ORAI2: variants seen among roughly 807,000 people sequenced by gnomAD.
ORAI2 encodes ORAI calcium release-activated calcium modulator 2, also known as protein orai-2.
Under a neutral mutation model 16.2 loss-of-function variants are expected in ORAI2, and 10 were observed. That is an observed-to-expected ratio of 0.62 (90% CI 0.38 to 1.04). ORAI2 has a LOEUF of 1.04. Among genes scored for constraint, ORAI2 ranks in the 50% least tolerant of loss-of-function variants. The pLI is 0.01. For missense variants in ORAI2, 238 were observed against 355.5 expected, an observed-to-expected ratio of 0.67 and a Z score of 2.66; for synonymous variants, 150 against 157.5, an observed-to-expected ratio of 0.95 and a Z score of 0.35.
Position 102,456,329 on chromosome 7 carries a change from C to T in ORAI2, c.*9277C>T, listed in dbSNP as rs546513349. On this transcript the variant is annotated 3_prime_UTR_variant, in exon 4 of 4. Transcript: ENST00000495936. ...GGTATGATCATGAGCTCACTGCAGC[C>T]TTGACATGGTGGTAAAGCCATCCTC... 2.6e-5 allele frequency: 4 copies of T among 152,956 alleles called. No homozygotes were observed. Among genetic ancestry groups the T allele is most frequent in the Admixed American group, 1.3e-4 (2 of 15,290 alleles). The allele number at this position is 152,956 out of a possible 1,614,324, so 9.5% of individuals were successfully genotyped here.
Position 102,451,200 on chromosome 7 carries a change from C to CAA in ORAI2, c.*4163_*4164dup, listed in dbSNP as rs10672661. 70,434 of 124,070 alleles carry CAA rather than the reference C, an allele frequency of 0.57. 20,615 individuals are homozygous for CAA. Among genetic ancestry groups the CAA allele is most frequent in the Middle Eastern group, 0.73 (181 of 248 alleles). 7.7% of individuals were successfully genotyped at this position (124,070 alleles called of 1,614,324 possible). A position where few individuals can be genotyped will look rare whatever the true frequency, so the allele number is the denominator to read the frequency against. The stretch of plus-strand genomic sequence containing the variant: ...TGGGTAACAGAGCAAGACTCTGTCT[C>CAA]AAAAAAAAAAAAAAAAGAACAGGGG... On this transcript the variant is annotated 3_prime_UTR_variant, in exon 4 of 4. Coordinates refer to ENST00000495936, the MANE Select transcript of ORAI2 (RefSeq NM_001126340.3).
intron 3 of ORAI2, among the ~76,000 whole-genome samples, chr7:102,439,554 G>GT (rs1163554268): frequency 6.6e-6 from 1 of 152,080 alleles, no homozygotes; most frequent in East Asian, 1.9e-4. Context: ...GAGGCCAGGA[G>GT]TTTGAGACCA....
Position 102,447,060 on chromosome 7 carries a change from A to G in ORAI2, c.*8A>G. The G allele has an allele frequency of 6.6e-7, 1 of 1,524,004 alleles. No homozygotes were observed. Among genetic ancestry groups the G allele is most frequent in the South Asian group, 1.2e-5 (1 of 82,276 alleles). The allele number at this position is 1,524,004 out of a possible 1,614,324, so 94.4% of individuals were successfully genotyped here. A position where few individuals can be genotyped will look rare whatever the true frequency, so the allele number is the denominator to read the frequency against. ...AGCCTGCAGGTCTTGTGAGGGGCCG[A>G]GGGCCGGGGCTGGGAGCGGCCCTGT... is the stretch of plus-strand genomic sequence containing the variant. On this transcript the variant is annotated 3_prime_UTR_variant, in exon 4 of 4. Transcript: ENST00000495936.
chr7:102,437,873 A>G (rs1190204542), intron 2 of ORAI2, among the ~76,000 whole-genome samples: 1 of 151,992 alleles, frequency 6.6e-6, no homozygotes, highest in African/African-American at 2.4e-5. Flanking sequence ...CAATATAGTG[A>G]GATTCCCGTC....
chr7:102,436,333 G>C lies in ORAI2; in HGVS notation c.-14G>C. The C allele has an allele frequency of 1.0e-6, 1 of 985,494 alleles. No homozygotes were observed. The highest frequency in any genetic ancestry group is 1.2e-6 in the Non-Finnish European group (1 of 829,964). 61.0% of individuals were successfully genotyped at this position (985,494 alleles called of 1,614,324 possible). A position where few individuals can be genotyped will look rare whatever the true frequency, so the allele number is the denominator to read the frequency against. Reference sequence around the variant, plus strand: ...GAGTTGGCATTCGTATAAATGACCTGGTAATTGGCATCCCCTGGCAGAAAT... The same window carrying C: ...GAGTTGGCATTCGTATAAATGACCTCGTAATTGGCATCCCCTGGCAGAAAT... On this transcript the variant is annotated splice_region_variant and 5_prime_UTR_variant, in exon 2 of 4. Transcript: ENST00000495936.
rs1196804465 is a variant in ORAI2 at position 102,454,285 on chromosome 7, T to C, written c.*7233T>C. 1 of 152,374 alleles carries C rather than the reference T, an allele frequency of 6.6e-6. No individual in the cohort carries two copies. The highest frequency in any genetic ancestry group is 1.5e-5 in the Non-Finnish European group (1 of 68,072). 9.4% of individuals were successfully genotyped at this position (152,374 alleles called of 1,614,324 possible). A position where few individuals can be genotyped will look rare whatever the true frequency, so the allele number is the denominator to read the frequency against. ...GGCTCGTGCCTATAGTCCCAGCTAC[T>C]GGGGAGGCTGAGGTGGGAGAATCAT... On this transcript the variant is annotated 3_prime_UTR_variant, in exon 4 of 4. Transcript: ENST00000495936.
intron 3 of ORAI2, among the ~76,000 whole-genome samples, chr7:102,440,039 C>T (rs986679942): frequency 6.6e-6 from 1 of 152,076 alleles, no homozygotes; most frequent in East Asian, 1.9e-4. Flanking sequence ...GCCAAGGTCA[C>T]GCCACTATAC....
chr7:102,456,004 CT>C lies in ORAI2; in HGVS notation c.*8955del. The C allele has an allele frequency of 6.5e-6, 1 of 153,368 alleles. No homozygotes were observed. Among genetic ancestry groups the C allele is most frequent in the Non-Finnish European group, 1.5e-5 (1 of 68,212 alleles). The allele number at this position is 153,368 out of a possible 1,614,324, so 9.5% of individuals were successfully genotyped here. On this transcript the variant is annotated 3_prime_UTR_variant, in exon 4 of 4. Transcript: ENST00000495936. ...GTAAAGAGTGGTGCTGGCCCCGAACCTTTCCTGTTCCCCTGGATTTAGTTCC... is the reference window on the plus strand; with the variant it reads ...GTAAAGAGTGGTGCTGGCCCCGAACCTTCCTGTTCCCCTGGATTTAGTTCC...
In ORAI2 at chr7:102,433,627, C is replaced by G. The variant is rs1350459048; in HGVS notation, c.-157C>G. On this transcript the variant is annotated 5_prime_UTR_variant, in exon 1 of 4. Coordinates refer to ENST00000495936, the MANE Select transcript of ORAI2 (RefSeq NM_001126340.3). This position sits in a 1 kb window ranked among gnomAD's most constrained non-coding sequence, Gnocchi z 4.6. ...AGGCCACGCGGCCACGCAGTCCGAGCGGGAGCCGAGCCGGGCGGGGCGAGG... is the reference window on the plus strand; with the variant it reads ...AGGCCACGCGGCCACGCAGTCCGAGGGGGAGCCGAGCCGGGCGGGGCGAGG... 1 of 151,214 alleles carries G rather than the reference C, an allele frequency of 6.6e-6. No homozygotes were observed. Among genetic ancestry groups the G allele is most frequent in the South Asian group, 2.1e-4 (1 of 4,818 alleles). The allele number at this position is 151,214 out of a possible 1,614,324, so 9.4% of individuals were successfully genotyped here.
In ORAI2 at chr7:102,451,444, A is replaced by T. The variant is rs1797516673; in HGVS notation, c.*4392A>T. ...GGAAGGGTCTGCTGAGGACCAGACC[A>T]CGTAAGCCTGAGTGGATCCTGACTC... On this transcript the variant is annotated 3_prime_UTR_variant, in exon 4 of 4. Coordinates refer to ENST00000495936, the MANE Select transcript of ORAI2 (RefSeq NM_001126340.3). The T allele has an allele frequency of 6.6e-6, 1 of 152,212 alleles. No individual in the cohort carries two copies. Among genetic ancestry groups the T allele is most frequent in the Non-Finnish European group, 1.5e-5 (1 of 68,058 alleles). 9.4% of individuals were successfully genotyped at this position (152,212 alleles called of 1,614,324 possible).
Position 102,447,727 on chromosome 7 carries a change from C to G in ORAI2, c.*675C>G, listed in dbSNP as rs1207617806. ...CCAATGGTGGGCAGCCTGGCCAGGC[C>G]GGAGAAGACATGTTCACGGGCATCT... On this transcript the variant is annotated 3_prime_UTR_variant, in exon 4 of 4. Coordinates refer to ENST00000495936, the MANE Select transcript of ORAI2 (RefSeq NM_001126340.3). 1 of 152,486 alleles carries G rather than the reference C, an allele frequency of 6.6e-6. No individual in the cohort carries two copies. The highest frequency in any genetic ancestry group is 1.5e-5 in the Non-Finnish European group (1 of 68,336). The allele number at this position is 152,486 out of a possible 1,614,324, so 9.4% of individuals were successfully genotyped here.
At chr7:102,435,178 G>C (rs1267043289) in intron 1 of ORAI2, among the ~76,000 whole-genome samples, 2 of 152,184 alleles carry the variant, frequency 1.3e-5, no homozygotes, top group Non-Finnish European at 2.9e-5. Context: ...GGTTGAGGCG[G>C]GAGGATCGCT....
In ORAI2 at chr7:102,450,718, T is replaced by C. The variant is rs1797497376; in HGVS notation, c.*3666T>C. 1 of 152,212 alleles carries C rather than the reference T, an allele frequency of 6.6e-6. No individual in the cohort carries two copies. Among genetic ancestry groups the C allele is most frequent in the African/African-American group, 2.4e-5 (1 of 41,432 alleles). 9.4% of individuals were successfully genotyped at this position (152,212 alleles called of 1,614,324 possible). ...ATTGCTGTGGGAATAGCAGTGACCA[T>C]TGGTAGGGCCATGGTGGCCGGGAGA... is the stretch of plus-strand genomic sequence containing the variant. On this transcript the variant is annotated 3_prime_UTR_variant, in exon 4 of 4. Transcript: ENST00000495936.
At chr7:102,438,603 C>T (rs1428396319) in intron 2 of ORAI2, among the ~76,000 whole-genome samples, 5 of 152,106 alleles carry the variant, frequency 3.3e-5, no homozygotes, top group East Asian at 1.9e-4. Context: ...GATGAAACCC[C>T]GTCTCTACTA....
In ORAI2 at chr7:102,447,534, T is replaced by C. The variant is rs56343512; in HGVS notation, c.*482T>C. ...AGTGATGACACGAAGGCTTCGGCGT[T>C]TGAGTGGGTGCAGGTGCACGCCAGG... On this transcript the variant is annotated 3_prime_UTR_variant, in exon 4 of 4. Coordinates refer to ENST00000495936, the MANE Select transcript of ORAI2 (RefSeq NM_001126340.3). The C allele has an allele frequency of 0.055, 8,712 of 159,426 alleles. 840 individuals carry two copies. The highest frequency in any genetic ancestry group is 0.2 in the African/African-American group (8,219 of 41,536). 9.9% of individuals were successfully genotyped at this position (159,426 alleles called of 1,614,324 possible).
In ORAI2 at chr7:102,444,496, GC is replaced by G. The variant is rs546615558; in HGVS notation, c.226-2008del. Among the ~76,000 whole-genome samples the G allele has an allele frequency of 1.0e-3, 58 of 55,824 alleles. No homozygotes were observed. In the East Asian group the frequency reaches 0.02, roughly 19 times the overall value. The allele number at this position is 55,824 out of a possible 152,430, so 36.6% of individuals were successfully genotyped here. On this transcript the variant is annotated intron_variant, in intron 3 of 3. Transcript: ENST00000495936. ...TCCAACTCCTGACCTCAAGTGATCC[GC>G]CCCCCCCCGCCCCCCACCCTCCAGC...
At chr7:102,436,399 G>T (rs537265008) in intron 2 of ORAI2, 66 bp downstream of exon 2, 7 of 951,090 alleles carry the variant, frequency 7.4e-6, no homozygotes, top group Non-Finnish European at 8.8e-6. Context: ...GCCAGGGAAG[G>T]CTGTGGCTTT....
At position 102,446,881 on chromosome 7, in the gene ORAI2, G is replaced by C. The variant is rs745772036; in HGVS notation, c.594G>C (p.Leu198=). 3 of 1,613,524 alleles carry C rather than the reference G, an allele frequency of 1.9e-6. No individual in the cohort carries two copies. The highest frequency in any genetic ancestry group is 2.5e-6 in the Non-Finnish European group (3 of 1,179,972). The change falls in exon 4 of 4, where the codon CTG becomes CTC. Residue 198 remains leucine, a synonymous_variant. Coordinates refer to ENST00000495936, the MANE Select transcript of ORAI2 (RefSeq NM_001126340.3). ...PGSHTGWQAA[L]VSTIIMVPVG... The stretch of plus-strand genomic sequence containing the variant: ...GTCACACGGGCTGGCAGGCCGCCCT[G>C]GTGTCCACCATCATCATGGTGCCCG...
In ORAI2 at chr7:102,456,799, C is replaced by G. The variant is rs1797661545; in HGVS notation, c.*9747C>G. ...TCGGGAAACCCCATGAAAATAGATG[C>G]ATAATAAAGGTGAAAATCATTTAAA... On this transcript the variant is annotated 3_prime_UTR_variant, in exon 4 of 4. Transcript: ENST00000495936. The G allele has an allele frequency of 6.6e-6, 1 of 151,930 alleles. No homozygotes were observed. Among genetic ancestry groups the G allele is most frequent in the East Asian group, 1.9e-4 (1 of 5,182 alleles). 9.4% of individuals were successfully genotyped at this position (151,930 alleles called of 1,614,324 possible). A position where few individuals can be genotyped will look rare whatever the true frequency, so the allele number is the denominator to read the frequency against.
Sources: gnomAD v4.1 joint callset for allele counts (sites outside exome capture counted in the v4.1 genomes callset) on GRCh38, gnomAD v4.1.1 for gene constraint, Gnocchi (gnomAD v3.1) non-coding constraint, MANE v1.5 for transcripts, NCBI Gene and HGNC (gene_info 2026-07-23, HGNC 2026-07-21) for gene names.